PUS1: variants seen among roughly 807,000 people sequenced by gnomAD.
PUS1 encodes the protein pseudouridine synthase 1, also known as pseudouridylate synthase 1 homolog.
In PUS1, 25 loss-of-function variants were observed where a neutral mutation model predicts 38.5. The ratio of observed to expected loss-of-function variants is 0.65; its 90% CI spans 0.47 to 0.91. The LOEUF is 0.91. PUS1 is among the 40% of genes least tolerant of loss of function. The pLI is 0.00. For synonymous variants in PUS1, 282 were observed against 260.4 expected (o/e 1.08, Z -0.80); for missense variants, 597 against 612.3 (o/e 0.97, Z 0.26).
intron 3 of PUS1, among the ~76,000 whole-genome samples, chr12:131,937,287 C>CT (rs1227668160): frequency 2.6e-5 from 4 of 152,238 alleles, no homozygotes; most frequent in Admixed American, 2.0e-4. Context: ...TATGTGGGTG[C>CT]CATGAGCACC....
At position 131,941,812 on chromosome 12, in the gene PUS1, G is replaced by A. The variant is rs147555676; in HGVS notation, c.1065G>A (p.Pro355=). ...QRFGNDGLHE[P]LDWAQEEGKV... ...TTGGCAACGATGGGCTGCATGAGCCGCTGGACTGGGCGCAGGAGGAAGGAA... is the reference window on the plus strand; with the variant it reads ...TTGGCAACGATGGGCTGCATGAGCCACTGGACTGGGCGCAGGAGGAAGGAA... Residue 355 remains proline (P), a synonymous_variant, in exon 5 of 6, where the codon CCG becomes CCA. Coordinates refer to ENST00000376649, the MANE Select transcript of PUS1 (RefSeq NM_025215.6). The surrounding 1 kb of genome is among the most constrained non-coding windows in gnomAD (Gnocchi z 4.4). 84 of 1,613,764 alleles carry A rather than the reference G, an allele frequency of 5.2e-5. No homozygotes were observed. The highest frequency in any genetic ancestry group is 4.3e-4 in the South Asian group (39 of 91,084).
chr12:131,938,784 C>T (rs1487817100), intron 3 of PUS1, among the ~76,000 whole-genome samples: 2 of 150,108 alleles, frequency 1.3e-5, no homozygotes, highest in East Asian at 2.0e-4. Flanking sequence ...TGCAGTGGCA[C>T]GATCTCAGCT....
In PUS1 at chr12:131,941,936, C is replaced by G; in HGVS notation, c.1189C>G (p.His397Asp). The G allele has an allele frequency of 6.2e-7, 1 of 1,613,220 alleles. No individual in the cohort carries two copies. Among genetic ancestry groups the G allele is most frequent in the South Asian group, 1.1e-5 (1 of 91,084 alleles). The change falls in exon 5 of 6, where the codon CAC becomes GAC. Residue 397 changes from histidine to aspartate, a missense_variant. Transcript: ENST00000376649. The surrounding 1 kb of genome is among the most constrained non-coding windows in gnomAD (Gnocchi z 4.4). ...MAQWLSTLPIHNFSATALTAG... is the reference protein window; with the variant it reads ...MAQWLSTLPIDNFSATALTAG... ...CCAGTGGCTGAGCACCTTGCCCATC[C>G]ACAACTTCAGTGCCACCGCTCTCAC...
rs1267736287 is a variant in PUS1, at chr12:131,945,485, A to G, written c.*1899A>G. 6.6e-6 allele frequency: 1 copy of G among 152,200 alleles called. No homozygotes were observed. The highest frequency in any genetic ancestry group is 1.5e-5 in the Non-Finnish European group (1 of 68,040). The allele number at this position is 152,200 out of a possible 1,614,324, so 9.4% of individuals were successfully genotyped here. ...CATGTTAATTTTACCTGGGATAGACAGGACTTTATTTTTTATTTTTATTTT... is the reference window on the plus strand; with the variant it reads ...CATGTTAATTTTACCTGGGATAGACGGGACTTTATTTTTTATTTTTATTTT... On this transcript the variant is annotated 3_prime_UTR_variant, in exon 6 of 6. Transcript: ENST00000376649.
intron 3 of PUS1, 180 bp downstream of exon 3, chr12:131,932,492 A>C: frequency 4.5e-6 from 3 of 663,360 alleles, no homozygotes; most frequent in Non-Finnish European, 8.0e-6. Flanking sequence ...GTATAGCTGG[A>C]TCTAGATGCT....
chr12:131,930,160 G>T (rs542810930), intron 2 of PUS1, 25 bp downstream of exon 2: 14 of 1,401,792 alleles, frequency 1.0e-5, no homozygotes, highest in Middle Eastern at 2.0e-4. Context: ...GAAGCGGCAG[G>T]TCCCGCGGGG....
chr12:131,942,089 G>A (rs1891103735), intron 5 of PUS1, 106 bp downstream of exon 5: 2 of 1,057,440 alleles, frequency 1.9e-6, no homozygotes, highest in African/African-American at 3.1e-5. Flanking sequence ...TTCCCCGCAA[G>A]GCCACACAGC....
chr12:131,932,636 A>G (rs1157200672), intron 3 of PUS1: 1 of 470,704 alleles, frequency 2.1e-6, no homozygotes, highest in Non-Finnish European at 3.9e-6. Context: ...AATCAGGCTC[A>G]CTCTGAGGCA....
chr12:131,934,075 A>G (rs1593290284), intron 3 of PUS1, among the ~76,000 whole-genome samples: 1 of 152,328 alleles, frequency 6.6e-6, no homozygotes. Flanking sequence ...TCTTCTATGC[A>G]CTTATCAGAA....
intron 5 of PUS1, 34 bp downstream of exon 5, chr12:131,942,017 C>G: frequency 3.2e-6 from 5 of 1,555,058 alleles, no homozygotes; most frequent in Non-Finnish European, 3.5e-6. Flanking sequence ...CTCAGCAGAA[C>G]ACAGGCCCAC....
intron 3 of PUS1, among the ~76,000 whole-genome samples, chr12:131,937,293 GCACC>G (rs1890873903): frequency 6.6e-6 from 1 of 152,150 alleles, no homozygotes; most frequent in Non-Finnish European, 1.5e-5. Context: ...GGTGCCATGA[GCACC>G]CACATAGTCT....
In PUS1 at chr12:131,944,622, GA is replaced by G. The variant is rs1891224600; in HGVS notation, c.*1037del. The G allele has an allele frequency of 6.5e-6, 1 of 152,728 alleles. No individual in the cohort carries two copies. The allele number at this position is 152,728 out of a possible 1,614,324, so 9.5% of individuals were successfully genotyped here. A position where few individuals can be genotyped will look rare whatever the true frequency, so the allele number is the denominator to read the frequency against. On this transcript the variant is annotated 3_prime_UTR_variant, in exon 6 of 6. Transcript: ENST00000376649. The stretch of plus-strand genomic sequence containing the variant: ...CCCCGCTGACCTGCCGCATCCCCGA[GA>G]GGGGTGGCAGCCACGGGCTCCTCTT...
At chr12:131,932,788 A>C (rs901711632) in intron 3 of PUS1, 9 of 448,462 alleles carry the variant, frequency 2.0e-5, no homozygotes, top group Admixed American at 1.7e-4. Context: ...CTGCAGTCTC[A>C]AACTGCTGGG....
chr12:131,936,236 T>C (rs1244454330), intron 3 of PUS1, among the ~76,000 whole-genome samples: 3 of 148,246 alleles, frequency 2.0e-5, no homozygotes, highest in African/African-American at 7.5e-5. Context: ...AAAAAGGAAA[T>C]ATAATTCACT....
At chr12:131,937,366 T>A (rs1018608596) in intron 3 of PUS1, among the ~76,000 whole-genome samples, 46 of 152,292 alleles carry the variant, frequency 3.0e-4, no homozygotes, top group Middle Eastern at 3.4e-3. Flanking sequence ...GTGGTTTTTT[T>A]AAAAATTCAT....
At chr12:131,935,845 T>TTG (rs1890802887) in intron 3 of PUS1, among the ~76,000 whole-genome samples, 2 of 152,228 alleles carry the variant, frequency 1.3e-5, no homozygotes, top group South Asian at 2.1e-4. Flanking sequence ...TTGTTTATTT[T>TTG]TGTGTGTGTG....
chr12:131,939,248 C>T lies in PUS1; in HGVS notation c.517C>T (p.His173Tyr), dbSNP rs1293785383. The T allele has an allele frequency of 6.4e-7, 1 of 1,558,518 alleles. No individual in the cohort carries two copies. The highest frequency in any genetic ancestry group is 8.7e-7 in the Non-Finnish European group (1 of 1,149,724). ...IDDILEKINSHLPSHIRILGL... is the reference protein window; with the variant it reads ...IDDILEKINSYLPSHIRILGL... ...CGACATTCTAGAAAAGATCAACAGC[C>T]ACCTTCCCTCTCACATTCGGATTCT... The change falls in exon 4 of 6, where the codon CAC (histidine) becomes TAC (tyrosine). Residue 173 changes from histidine to tyrosine, a missense_variant. Physicochemically the swap from His to Tyr is moderately conservative, Grantham distance 83. Coordinates refer to ENST00000376649, the MANE Select transcript of PUS1 (RefSeq NM_025215.6).
intron 3 of PUS1, chr12:131,932,554 G>C: frequency 3.4e-6 from 2 of 589,478 alleles, no homozygotes; most frequent in South Asian, 3.9e-5. Flanking sequence ...CTCTTGTGTT[G>C]ATTCTGTTCT....
At position 131,929,947 on chromosome 12, in the gene PUS1, G is replaced by C. The variant is rs760384342; in HGVS notation, c.115G>C (p.Gly39Arg). ...CGGGAACGCGGAGCCGCCGCCCGCC[G>C]GAGCCGCATGCCCCCAGGACCGGAG... ...MAGNAEPPPAGAACPQDRRSC... is the reference protein window; with the variant it reads ...MAGNAEPPPARAACPQDRRSC... The change falls in exon 2 of 6, where the codon GGA becomes CGA. Residue 39 changes from glycine to arginine, a missense_variant. Gly to Arg is a moderately radical substitution (Grantham distance 125). Coordinates refer to ENST00000376649, the MANE Select transcript of PUS1 (RefSeq NM_025215.6). 2.0e-6 allele frequency: 3 copies of C among 1,497,602 alleles called. No homozygotes were observed. The highest frequency in any genetic ancestry group is 2.6e-6 in the Non-Finnish European group (3 of 1,132,682). 92.8% of individuals were successfully genotyped at this position (1,497,602 alleles called of 1,614,324 possible). A position where few individuals can be genotyped will look rare whatever the true frequency, so the allele number is the denominator to read the frequency against.
Sources: gnomAD v4.1 joint callset for allele counts (sites outside exome capture counted in the v4.1 genomes callset) on GRCh38, gnomAD v4.1.1 for gene constraint, Gnocchi (gnomAD v3.1) non-coding constraint, MANE v1.5 for transcripts, NCBI Gene and HGNC (gene_info 2026-07-23, HGNC 2026-07-21) for gene names.